PPIL1: variants seen among roughly 807,000 people sequenced by gnomAD.
PPIL1 encodes the protein peptidyl-prolyl cis-trans isomerase-like 1.
A neutral mutation model predicts 19.4 loss-of-function variants in PPIL1; 14 were observed. The ratio of observed to expected loss-of-function variants is 0.72; its 90% CI spans 0.48 to 1.13. The LOEUF (loss-of-function observed/expected upper bound fraction) is 1.13. Among genes scored for constraint, PPIL1 ranks in the 50% most tolerant of loss-of-function variants. PPIL1 has a pLI of 0.00. For synonymous variants in PPIL1, 72 were observed against 73.6 expected, an observed-to-expected ratio of 0.98 and a Z score of 0.11; for missense variants, 192 against 218.0, an observed-to-expected ratio of 0.88 and a Z score of 0.75.
chr6:36,867,712 G>T (rs1005462737), intron 2 of PPIL1, among the ~76,000 whole-genome samples: 12 of 152,348 alleles, frequency 7.9e-5, no homozygotes, highest in Admixed American at 3.9e-4. Context: ...TCTGGGACAA[G>T]ACTTTAAGGG....
At chr6:36,865,313 T>C (rs1321082120) in intron 2 of PPIL1, among the ~76,000 whole-genome samples, 3 of 152,218 alleles carry the variant, frequency 2.0e-5, no homozygotes, top group Non-Finnish European at 4.4e-5. Flanking sequence ...TCATGCTCAA[T>C]CAAATCTGAA....
chr6:36,861,749 T>C (rs1267571403), intron 2 of PPIL1, among the ~76,000 whole-genome samples: 2 of 150,278 alleles, frequency 1.3e-5, no homozygotes, highest in Non-Finnish European at 3.0e-5. Context: ...CAGGCTGGAG[T>C]GCAATGGTGC....
In PPIL1 at chr6:36,854,886, C is replaced by T. The variant is rs1330042254; in HGVS notation, c.*927G>A. 1 of 152,670 alleles carries T rather than the reference C, an allele frequency of 6.6e-6. No homozygotes were observed. Among genetic ancestry groups the T allele is most frequent in the Non-Finnish European group, 1.5e-5 (1 of 68,044 alleles). The allele number at this position is 152,670 out of a possible 1,614,324, so 9.5% of individuals were successfully genotyped here. ...TTTCTATGTATTACATAGGTATTAA[C>T]TTCCTTCCTCTCCTGCTCCTCCCCA... On this transcript the variant is annotated 3_prime_UTR_variant, in exon 4 of 4. Transcript: ENST00000373699.
intron 2 of PPIL1, among the ~76,000 whole-genome samples, chr6:36,869,199 G>A (rs1267285900): frequency 1.3e-5 from 2 of 152,072 alleles, no homozygotes; most frequent in Non-Finnish European, 2.9e-5. Flanking sequence ...GCCCAGGCTG[G>A]TCTTGAACTC....
intron 1 of PPIL1, among the ~76,000 whole-genome samples, chr6:36,874,054 C>A (rs17552005): frequency 0.073 from 11,151 of 152,248 alleles, 421 homozygotes; most frequent in South Asian, 0.098. Flanking sequence ...AGGCTCCAAA[C>A]GAGGTTCTTC....
In PPIL1 at chr6:36,855,093, G is replaced by GA. The variant is rs1163011923; in HGVS notation, c.*719dup. On this transcript the variant is annotated 3_prime_UTR_variant, in exon 4 of 4. Transcript: ENST00000373699. Reference sequence around the variant, plus strand: ...ACTACAGATTTCTCCTCTTCTCTGGGAAAAAATGGTCAATGCTTCTGCTTC... The same window carrying GA: ...ACTACAGATTTCTCCTCTTCTCTGGGAAAAAAATGGTCAATGCTTCTGCTTC... 1.3e-5 allele frequency: 2 copies of GA among 152,554 alleles called. No individual in the cohort carries two copies. The highest frequency in any genetic ancestry group is 2.9e-5 in the Non-Finnish European group (2 of 68,090). The allele number at this position is 152,554 out of a possible 1,614,324, so 9.5% of individuals were successfully genotyped here. A position where few individuals can be genotyped will look rare whatever the true frequency, so the allele number is the denominator to read the frequency against.
At chr6:36,866,390 C>T (rs1774394270) in intron 2 of PPIL1, among the ~76,000 whole-genome samples, 1 of 152,028 alleles carries the variant, frequency 6.6e-6, no homozygotes, top group South Asian at 2.1e-4. Context: ...ATTTGCTGCC[C>T]ATCTGAGATG....
At chr6:36,871,276 C>T (rs930163861) in intron 2 of PPIL1, among the ~76,000 whole-genome samples, 2 of 152,194 alleles carry the variant, frequency 1.3e-5, no homozygotes, top group Non-Finnish European at 2.9e-5. Context: ...TTATAGGTAT[C>T]TCCCTAGAGC....
chr6:36,873,260 T>C (rs190725574), intron 1 of PPIL1, among the ~76,000 whole-genome samples: 1 of 152,312 alleles, frequency 6.6e-6, no homozygotes, highest in East Asian at 1.9e-4. Context: ...TGCCTAAGGA[T>C]ACAATATGTG....
At chr6:36,872,741 G>A (rs1230985165) in intron 1 of PPIL1, among the ~76,000 whole-genome samples, 1 of 152,112 alleles carries the variant, frequency 6.6e-6, no homozygotes, top group African/African-American at 2.4e-5. Flanking sequence ...CTGAGTAGCT[G>A]GGACTACAGG....
At chr6:36,856,538 C>A (rs1774170858) in intron 3 of PPIL1, 48 bp downstream of exon 3, 10 of 1,541,518 alleles carry the variant, frequency 6.5e-6, no homozygotes, top group Non-Finnish European at 9.0e-6. Context: ...AAAGAGTGAG[C>A]TTTTAAAATC....
At chr6:36,862,040 C>T (rs530748606) in intron 2 of PPIL1, among the ~76,000 whole-genome samples, 1 of 152,320 alleles carries the variant, frequency 6.6e-6, no homozygotes, top group Non-Finnish European at 1.5e-5. Context: ...CTTTTCTCAT[C>T]CCTGTGACTC....
intron 1 of PPIL1, among the ~76,000 whole-genome samples, chr6:36,874,504 G>A (rs1050384677): frequency 2.6e-5 from 4 of 152,250 alleles, no homozygotes; most frequent in Non-Finnish European, 4.4e-5. Flanking sequence ...CAATCAGGCA[G>A]CTATTGCTGA....
At chr6:36,869,357 C>A (rs957186920) in intron 2 of PPIL1, among the ~76,000 whole-genome samples, 1 of 152,200 alleles carries the variant, frequency 6.6e-6, no homozygotes, top group Admixed American at 6.5e-5. Flanking sequence ...CAAGTGGCCA[C>A]ATTTGGTGAG....
intron 2 of PPIL1, among the ~76,000 whole-genome samples, chr6:36,859,578 AG>A (rs1338606824): frequency 2.0e-5 from 3 of 152,158 alleles, no homozygotes; most frequent in African/African-American, 7.2e-5. Context: ...TCAACTCAGT[AG>A]GGTTTGCGGC....
In PPIL1 at chr6:36,871,774, T is replaced by G. The variant is rs577235820; in HGVS notation, c.155A>C (p.Lys52Thr). ...LARRGYYNGTKFHRIIKDFMI... is the reference protein window; with the variant it reads ...LARRGYYNGTTFHRIIKDFMI... ...GAAGTCTTTGATAATTCTGTGGAATTTTGTGCCATTGTAGTAACCTCGACG... is the reference window on the plus strand; with the variant it reads ...GAAGTCTTTGATAATTCTGTGGAATGTTGTGCCATTGTAGTAACCTCGACG... The change falls in exon 2 of 4, where the codon AAA (lysine) becomes ACA (threonine). Residue 52 changes from lysine (K) to threonine (T), a missense_variant. By Grantham distance (78) the Lys-to-Thr change is moderately conservative (BLOSUM62 -1). Coordinates refer to ENST00000373699, the MANE Select transcript of PPIL1 (RefSeq NM_016059.5). The G allele has an allele frequency of 1.2e-6, 2 of 1,611,614 alleles. No individual in the cohort carries two copies. Among genetic ancestry groups the G allele is most frequent in the South Asian group, 1.1e-5 (1 of 90,458 alleles).
At chr6:36,869,851 A>T (rs1048313661) in intron 2 of PPIL1, among the ~76,000 whole-genome samples, 1 of 152,210 alleles carries the variant, frequency 6.6e-6, no homozygotes, top group Non-Finnish European at 1.5e-5. Context: ...ATTAAATGTA[A>T]TATGTTCTGT....
chr6:36,859,242 T>C (rs566997149), intron 2 of PPIL1, among the ~76,000 whole-genome samples: 55 of 152,072 alleles, frequency 3.6e-4, no homozygotes, highest in African/African-American at 1.2e-3. Flanking sequence ...CTGACCAACA[T>C]GGTGAAACCC....
chr6:36,868,158 G>C (rs1774431447), intron 2 of PPIL1, among the ~76,000 whole-genome samples: 1 of 152,084 alleles, frequency 6.6e-6, no homozygotes, highest in African/African-American at 2.4e-5. Context: ...TCAAAGACAA[G>C]ATAATACACC....
Sources: allele counts gnomAD v4.1 joint callset (sites outside exome capture counted in the v4.1 genomes callset), GRCh38; gene constraint gnomAD v4.1.1; transcripts MANE v1.5; gene names NCBI Gene and HGNC (gene_info 2026-07-23, HGNC 2026-07-21).